Variants in KCNAB1 observed in about 807,000 individuals in gnomAD.
The protein encoded by KCNAB1 is potassium voltage-gated channel subfamily A regulatory beta subunit 1, also known as voltage-gated potassium channel subunit beta-1.
A neutral mutation model predicts 64.6 loss-of-function variants in KCNAB1; 35 were observed. The observed-to-expected ratio is 0.54, with a 90% CI of 0.41 to 0.72. The LOEUF (loss-of-function observed/expected upper bound fraction) is 0.72, where lower values mean the gene tolerates loss of function less well. Among genes scored for constraint, KCNAB1 ranks in the 30% least tolerant of loss-of-function variants. The pLI is 0.00. For synonymous variants in KCNAB1, 177 were observed against 183.8 expected (o/e 0.96, Z 0.30); for missense variants, 401 against 512.9 (o/e 0.78, Z 2.11).
chr3:156,331,802 C>G (rs1723351662), intron 1 of KCNAB1, among the ~76,000 whole-genome samples: 1 of 152,086 alleles, frequency 6.6e-6, no homozygotes, highest in Admixed American at 6.5e-5. Flanking sequence ...ACCTGGAAGC[C>G]CCTGGTGTTG....
intron 1 of KCNAB1, among the ~76,000 whole-genome samples, chr3:156,393,723 A>C (rs143918515): frequency 6.6e-6 from 1 of 152,298 alleles, no homozygotes; most frequent in Non-Finnish European, 1.5e-5. Flanking sequence ...GCAAGGTATT[A>C]CTTCTTCCTC....
Position 156,453,466 on chromosome 3 carries a change from G to A in KCNAB1, c.357+530G>A, listed in dbSNP as rs570646699. ...CTAATGCTAACTTTGATGGTGATCT[G>A]TTGAAAGAATTAACACATCATGCTT... On this transcript the variant is annotated intron_variant, in intron 3 of 13. Transcript: ENST00000490337. 5.3e-5 allele frequency among the ~76,000 whole-genome samples: 8 copies of A among 152,276 alleles called. No homozygotes were observed. The East Asian group carries it at 1.5e-3, about 29-fold the overall frequency.
intron 1 of KCNAB1, among the ~76,000 whole-genome samples, chr3:156,295,233 G>GAGTAAT (rs1720700422): frequency 1.3e-5 from 2 of 152,024 alleles, no homozygotes; most frequent in African/African-American, 4.8e-5. Context: ...ATTGCATCTT[G>GAGTAAT]GGGCATGAGT....
chr3:156,460,117 A>C (rs1456210751), intron 5 of KCNAB1: 2 of 428,838 alleles, frequency 4.7e-6, no homozygotes, highest in African/African-American at 2.0e-5. Context: ...GGGGATGTTC[A>C]TGAAATATTT....
intron 8 of KCNAB1, among the ~76,000 whole-genome samples, chr3:156,476,896 T>C (rs1327462908): frequency 6.6e-6 from 1 of 152,204 alleles, no homozygotes; most frequent in Non-Finnish European, 1.5e-5. Context: ...ACATTTTAAG[T>C]GCCTAGTGAC....
intron 1 of KCNAB1, chr3:156,176,141 CACG>C (rs1194928196): frequency 1.3e-6 from 1 of 769,946 alleles, no homozygotes; most frequent in African/African-American, 1.7e-5. Flanking sequence ...ACATCCCAGA[CACG>C]AACTGTATTG....
At chr3:156,209,269 A>G (rs143905871) in intron 1 of KCNAB1, among the ~76,000 whole-genome samples, 3 of 152,220 alleles carry the variant, frequency 2.0e-5, no homozygotes, top group East Asian at 1.9e-4. Context: ...TAGGGTGGGT[A>G]CTCTAGGCAG....
intron 1 of KCNAB1, among the ~76,000 whole-genome samples, chr3:156,182,738 C>G (rs1342866810): frequency 3.6e-5 from 5 of 139,290 alleles, no homozygotes; most frequent in African/African-American, 1.3e-4. Context: ...CTCTCTGTTG[C>G]CCGGGGTTGG....
At chr3:156,237,598 A>T (rs1412388970) in intron 1 of KCNAB1, among the ~76,000 whole-genome samples, 2 of 152,056 alleles carry the variant, frequency 1.3e-5, no homozygotes, top group African/African-American at 4.8e-5. Context: ...TTTTGCATCT[A>T]GCTCTACTGT....
intron 1 of KCNAB1, among the ~76,000 whole-genome samples, chr3:156,238,437 A>C (rs1009022256): frequency 1.1e-4 from 17 of 151,982 alleles, no homozygotes; most frequent in Non-Finnish European, 2.2e-4. Flanking sequence ...AAAAAAAAAA[A>C]AAAAAGGGTT....
At position 156,401,016 on chromosome 3, in the gene KCNAB1, G is replaced by C. The variant is rs116285426; in HGVS notation, c.276-20600G>C. On this transcript the variant is annotated intron_variant, in intron 1 of 13. Coordinates refer to ENST00000490337, the MANE Select transcript of KCNAB1 (RefSeq NM_172160.3). ...CATCCATGACTGACTGCACAGAAGA[G>C]AACTTATTGAACTTTTAGGTTTCCT... Among the ~76,000 whole-genome samples, 1,034 of 152,308 alleles carry C rather than the reference G, an allele frequency of 6.8e-3. 9 individuals are homozygous for C. The highest frequency in any genetic ancestry group is 0.024 in the African/African-American group (988 of 41,568).
intron 8 of KCNAB1, among the ~76,000 whole-genome samples, chr3:156,511,149 G>A (rs867354356): frequency 2.0e-5 from 3 of 151,946 alleles, no homozygotes; most frequent in African/African-American, 7.3e-5. Flanking sequence ...TGTCCCCCAT[G>A]CTGGAGTGCA....
At chr3:156,156,094 C>G (rs1041711879) in intron 1 of KCNAB1, among the ~76,000 whole-genome samples, 2 of 152,020 alleles carry the variant, frequency 1.3e-5, no homozygotes, top group Non-Finnish European at 2.9e-5. Context: ...CAATGTGGCC[C>G]AAGACTCCCA....
intron 1 of KCNAB1, among the ~76,000 whole-genome samples, chr3:156,278,802 T>G (rs1466613505): frequency 6.6e-6 from 1 of 151,986 alleles, no homozygotes; most frequent in Non-Finnish European, 1.5e-5. Context: ...GAGACAAAAG[T>G]TCAGCATGCT....
At chr3:156,382,532 C>T (rs999865239) in intron 1 of KCNAB1, among the ~76,000 whole-genome samples, 1 of 151,984 alleles carries the variant, frequency 6.6e-6, no homozygotes, top group Admixed American at 6.6e-5. Flanking sequence ...AACCAACCAA[C>T]CAAACAGAAC....
At chr3:156,451,516 T>G (rs1712004810) in intron 2 of KCNAB1, among the ~76,000 whole-genome samples, 1 of 152,226 alleles carries the variant, frequency 6.6e-6, no homozygotes, top group Non-Finnish European at 1.5e-5. Context: ...TTTCGATTCC[T>G]CATCTGGAAG....
At chr3:156,202,863 A>G (rs1249246345) in intron 1 of KCNAB1, among the ~76,000 whole-genome samples, 2 of 152,222 alleles carry the variant, frequency 1.3e-5, no homozygotes, top group African/African-American at 2.4e-5. Flanking sequence ...AAGTTGGAGT[A>G]AAAACCTCCT....
At chr3:156,415,347 T>C (rs1183666458) in intron 1 of KCNAB1, among the ~76,000 whole-genome samples, 2 of 152,192 alleles carry the variant, frequency 1.3e-5, no homozygotes, top group African/African-American at 4.8e-5. Flanking sequence ...ACAAAAGTAG[T>C]GTGCGATGAT....
rs1166063453 is a variant in KCNAB1 at position 156,375,294 on chromosome 3, G to A, written c.276-46322G>A. On this transcript the variant is annotated intron_variant, in intron 1 of 13. Transcript: ENST00000490337. ...AAAGGCCACAGTCCTTCTTTGTAGA[G>A]TTTATGAAGCTCATCCCTATGCAGC... is the stretch of plus-strand genomic sequence containing the variant. 1.5e-5 allele frequency among the ~76,000 whole-genome samples: 2 copies of A among 135,062 alleles called. 1 individual carries two copies. Among genetic ancestry groups the A allele is most frequent in the Non-Finnish European group, 3.1e-5 (2 of 64,830 alleles). The allele number at this position is 135,062 out of a possible 152,430, so 88.6% of individuals were successfully genotyped here.
Sources: gnomAD v4.1 joint callset for allele counts (sites outside exome capture counted in the v4.1 genomes callset) on GRCh38, gnomAD v4.1.1 for gene constraint, MANE v1.5 for transcripts, NCBI Gene and HGNC (gene_info 2026-07-23, HGNC 2026-07-21) for gene names.